COL5A2: variants seen among roughly 807,000 people sequenced by gnomAD.
COL5A2 encodes collagen alpha-2(V) chain.
A neutral mutation model predicts 208.2 loss-of-function variants in COL5A2; 23 were observed. The ratio of observed to expected loss-of-function variants is 0.11; its 90% confidence interval spans 0.08 to 0.16. The LOEUF (loss-of-function observed/expected upper bound fraction) is 0.16. COL5A2 is among the 10% of genes least tolerant of loss of function. COL5A2 has a pLI of 1.00. For synonymous variants in COL5A2, 625 were observed against 628.5 expected, an observed-to-expected ratio of 0.99 and a Z score of 0.08; for missense variants, 1,590 against 1,956.4, an observed-to-expected ratio of 0.81 and a Z score of 3.53.
the COL5A2 span, among the ~76,000 whole-genome samples, chr2:189,440,402 T>C: frequency 6.6e-6 from 1 of 152,244 alleles, no homozygotes; most frequent in African/African-American, 2.4e-5. Flanking sequence ...TGATTGCTCC[T>C]AGGCTACAAA....
intron 1 of COL5A2, among the ~76,000 whole-genome samples, chr2:189,138,173 A>G (rs888477631): frequency 3.9e-5 from 6 of 152,050 alleles, no homozygotes; most frequent in African/African-American, 1.4e-4. Flanking sequence ...ACAGGGTTGC[A>G]CCATGTTGGC....
intron 1 of COL5A2, among the ~76,000 whole-genome samples, chr2:189,188,756 G>C (rs533771070): frequency 2.5e-4 from 38 of 152,292 alleles, no homozygotes; most frequent in African/African-American, 8.9e-4. Flanking sequence ...CAACAAATAA[G>C]GAGTCATTCA....
At chr2:189,074,191 G>A (rs1405789346) in intron 17 of COL5A2, among the ~76,000 whole-genome samples, 1 of 151,946 alleles carries the variant, frequency 6.6e-6, no homozygotes, top group Non-Finnish European at 1.5e-5. Flanking sequence ...TGATCTTTCT[G>A]GTCATAAAGT....
At chr2:189,208,439 T>C (rs1689169130) in intron 1 of COL5A2, among the ~76,000 whole-genome samples, 1 of 152,104 alleles carries the variant, frequency 6.6e-6, no homozygotes, top group Non-Finnish European at 1.5e-5. Flanking sequence ...AAAGAATGAA[T>C]AGGATTTTGT....
chr2:189,348,598 C>A, the COL5A2 span, among the ~76,000 whole-genome samples: 1 of 152,136 alleles, frequency 6.6e-6, no homozygotes, highest in African/African-American at 2.4e-5. Context: ...TACATAACTT[C>A]TCTGAGCCTT....
At chr2:189,221,851 A>G (rs1033028962) in intron 1 of COL5A2, among the ~76,000 whole-genome samples, 7 of 152,190 alleles carry the variant, frequency 4.6e-5, no homozygotes, top group Admixed American at 4.6e-4. Context: ...AAAATTTGAC[A>G]AACTAATAAT....
the COL5A2 span, among the ~76,000 whole-genome samples, chr2:189,434,505 C>CA: frequency 6.6e-6 from 1 of 152,098 alleles, no homozygotes; most frequent in East Asian, 1.9e-4. Context: ...AATCAATGTG[C>CA]AAAAATCATG....
chr2:189,042,375 A>G (rs1685579168), intron 49 of COL5A2, among the ~76,000 whole-genome samples: 1 of 152,200 alleles, frequency 6.6e-6, no homozygotes, highest in Non-Finnish European at 1.5e-5. Context: ...TTTAGCTTCA[A>G]AATCTGTCTC....
the COL5A2 span, among the ~76,000 whole-genome samples, chr2:189,297,973 G>A: frequency 6.6e-6 from 1 of 151,904 alleles, no homozygotes; most frequent in East Asian, 1.9e-4. Context: ...AGTAACTTTT[G>A]GTTATTAAAA....
At chr2:189,042,697 A>G (rs753090133) in intron 49 of COL5A2, 23 bp downstream of exon 49, 1 of 1,602,642 alleles carries the variant, frequency 6.2e-7, no homozygotes, top group South Asian at 1.1e-5. Flanking sequence ...TACACCTGCA[A>G]CTTACTACTT....
chr2:189,396,991 A>C, the COL5A2 span, among the ~76,000 whole-genome samples: 4 of 16,532 alleles, frequency 2.4e-4, no homozygotes, highest in African/African-American at 4.0e-4. Context: ...ACTCCGTCTC[A>C]AAAAAAAAAA....
chr2:189,425,197 TAAC>T, the COL5A2 span, among the ~76,000 whole-genome samples: 2 of 152,138 alleles, frequency 1.3e-5, no homozygotes, highest in African/African-American at 4.8e-5. Flanking sequence ...AGACAAAAGA[TAAC>T]AAAAGTTGGC....
the COL5A2 span, among the ~76,000 whole-genome samples, chr2:189,284,617 T>C: frequency 1.5e-4 from 23 of 152,230 alleles, no homozygotes; most frequent in East Asian, 2.3e-3. Flanking sequence ...ATGGGGGGAT[T>C]ACAATTCAAC....
At chr2:189,164,299 C>T (rs1318612784) in intron 1 of COL5A2, among the ~76,000 whole-genome samples, 1 of 152,114 alleles carries the variant, frequency 6.6e-6, no homozygotes, top group Non-Finnish European at 1.5e-5. Context: ...TGCCAGGAAG[C>T]TACATTTCAC....
intron 12 of COL5A2, among the ~76,000 whole-genome samples, chr2:189,081,797 A>C (rs1050233909): frequency 4.6e-5 from 7 of 152,320 alleles, no homozygotes; most frequent in Non-Finnish European, 1.0e-4. Flanking sequence ...TACCATAGAA[A>C]ATCAAATCCA....
At chr2:189,181,127 G>A (rs1425459556), upstream of COL5A2, among the ~76,000 whole-genome samples, 3 of 152,192 alleles carry the variant, frequency 2.0e-5, no homozygotes, top group Non-Finnish European at 4.4e-5. Flanking sequence ...ATTAAGCCCG[G>A]AGAAAGGAGA....
the COL5A2 span, among the ~76,000 whole-genome samples, chr2:189,233,678 G>C: frequency 6.6e-6 from 1 of 151,652 alleles, no homozygotes; most frequent in African/African-American, 2.4e-5. Flanking sequence ...TTCAAATTAA[G>C]ATTTCTCAAC....
At chr2:189,204,681 A>G (rs1689121863) in intron 1 of COL5A2, among the ~76,000 whole-genome samples, 1 of 152,230 alleles carries the variant, frequency 6.6e-6, no homozygotes, top group Non-Finnish European at 1.5e-5. Context: ...GGACTTAATC[A>G]AAGACCACAA....
chr2:189,121,479 T>C (rs1687498153), intron 1 of COL5A2, among the ~76,000 whole-genome samples: 1 of 151,970 alleles, frequency 6.6e-6, no homozygotes, highest in Non-Finnish European at 1.5e-5. Context: ...CCAACTGGTA[T>C]GTCCATGGGA....
Sources: allele counts gnomAD v4.1 joint callset (sites outside exome capture counted in the v4.1 genomes callset), GRCh38; gene constraint gnomAD v4.1.1; transcripts MANE v1.5; gene names NCBI Gene and HGNC (gene_info 2026-07-23, HGNC 2026-07-21).